DPYD: variants seen among roughly 807,000 people sequenced by gnomAD.
DPYD encodes the protein dihydropyrimidine dehydrogenase [NADP(+)].
In DPYD, 109 loss-of-function variants were observed where a neutral mutation model predicts 116.2. That is an observed-to-expected ratio of 0.94 (90% confidence interval 0.80 to 1.10). DPYD has a LOEUF of 1.10. Among genes scored for constraint, DPYD ranks in the 50% least tolerant of loss-of-function variants. DPYD has a pLI of 0.00. For missense variants in DPYD, 1,302 were observed against 1,254.5 expected (o/e 1.04, Z -0.57); for synonymous variants, 440 against 432.0 (o/e 1.02, Z -0.23).
intron 3 of DPYD, among the ~76,000 whole-genome samples, chr1:97,822,315 TA>T (rs1668985406): frequency 6.7e-6 from 1 of 148,238 alleles, no homozygotes; most frequent in Non-Finnish European, 1.5e-5. Context: ...AAATATATTA[TA>T]TATCTGTATA....
intron 2 of DPYD, 128 bp downstream of exon 2, chr1:97,883,136 T>C (rs999877935): frequency 6.4e-6 from 4 of 626,274 alleles, no homozygotes; most frequent in Non-Finnish European, 1.1e-5. Context: ...AAATATTAAA[T>C]ATTTAAAATA....
rs141459442 is a variant in DPYD, at chr1:97,673,514, A to G, written c.850+5581T>C. Among the ~76,000 whole-genome samples the G allele has an allele frequency of 5.4e-3, 825 of 152,268 alleles. 4 individuals are homozygous for G. Among genetic ancestry groups the G allele is most frequent in the Non-Finnish European group, 8.7e-3 (590 of 68,014 alleles). On this transcript the variant is annotated intron_variant, in intron 8 of 22. Coordinates refer to ENST00000370192, the MANE Select transcript of DPYD (RefSeq NM_000110.4). ...TTAAAATCAATAACTAAAAATACGTATAAAGTTCCTACTATGTACCCGCCA... is the reference window on the plus strand; with the variant it reads ...TTAAAATCAATAACTAAAAATACGTGTAAAGTTCCTACTATGTACCCGCCA...
chr1:97,796,250 T>C (rs1667563550), intron 3 of DPYD, among the ~76,000 whole-genome samples: 1 of 152,110 alleles, frequency 6.6e-6, no homozygotes, highest in Non-Finnish European at 1.5e-5. Flanking sequence ...ATTTTATAGA[T>C]GTAAGTACTA....
intron 10 of DPYD, among the ~76,000 whole-genome samples, chr1:97,589,833 A>G (rs1264960541): frequency 6.6e-6 from 1 of 152,114 alleles, no homozygotes; most frequent in Non-Finnish European, 1.5e-5. Context: ...TAAATAACAC[A>G]CATATTTGAC....
intron 18 of DPYD, among the ~76,000 whole-genome samples, chr1:97,291,164 A>C (rs893667223): frequency 5.3e-5 from 8 of 151,746 alleles, no homozygotes; most frequent in African/African-American, 1.9e-4. Context: ...TTAGAATGGC[A>C]ATCATTAAAA....
chr1:97,453,225 C>T (rs1419530803), intron 13 of DPYD, among the ~76,000 whole-genome samples: 1 of 152,082 alleles, frequency 6.6e-6, no homozygotes. Flanking sequence ...TTCTTAACTG[C>T]TGGGTATCGC....
In DPYD at chr1:97,134,620, G is replaced by A. The variant is rs935126990; in HGVS notation, c.2623-35988C>T. Among the ~76,000 whole-genome samples, 3 of 152,076 alleles carry A rather than the reference G, an allele frequency of 2.0e-5. No individual in the cohort carries two copies. In the East Asian group the frequency reaches 5.8e-4, roughly 29 times the overall value. On this transcript the variant is annotated intron_variant, in intron 20 of 22. Transcript: ENST00000370192. Reference sequence around the variant, plus strand: ...TGTCAACAAAGGCTTCCTTAAAGAGGGTGACCATTTGGTTAAATCTTAAAA... The same window carrying A: ...TGTCAACAAAGGCTTCCTTAAAGAGAGTGACCATTTGGTTAAATCTTAAAA...
intron 16 of DPYD, among the ~76,000 whole-genome samples, chr1:97,367,580 T>G (rs1671101669): frequency 6.6e-6 from 1 of 152,152 alleles, no homozygotes; most frequent in African/African-American, 2.4e-5. Context: ...AAGGGGACTG[T>G]GAGGTGGCAA....
chr1:97,393,010 A>G (rs1196094237), intron 14 of DPYD, among the ~76,000 whole-genome samples: 1 of 152,068 alleles, frequency 6.6e-6, no homozygotes, highest in Non-Finnish European at 1.5e-5. Context: ...CCAGACCACT[A>G]AAATGTTCTC....
chr1:97,292,747 C>CACACA (rs879489770), intron 18 of DPYD, among the ~76,000 whole-genome samples: 2 of 148,978 alleles, frequency 1.3e-5, no homozygotes, highest in Non-Finnish European at 3.0e-5. Context: ...CACACACACA[C>CACACA]TATTTCTACA....
intron 8 of DPYD, among the ~76,000 whole-genome samples, chr1:97,620,357 G>A (rs1277433245): frequency 2.6e-5 from 4 of 151,990 alleles, no homozygotes; most frequent in Non-Finnish European, 4.4e-5. Context: ...TGGGACTATC[G>A]GCACATGCCA....
chr1:97,093,809 G>A (rs1420898166), intron 21 of DPYD, among the ~76,000 whole-genome samples: 1 of 152,098 alleles, frequency 6.6e-6, no homozygotes, highest in Non-Finnish European at 1.5e-5. Context: ...ATGTCTGCTT[G>A]TTAAAATGAC....
In DPYD at chr1:97,610,986, T is replaced by C. The variant is rs139918846; in HGVS notation, c.851-15820A>G. The stretch of plus-strand genomic sequence containing the variant: ...GTGTGTTTGTGTGTGTGTATATATA[T>C]ATGTGTGTGTGTGTGTCTGTGTACG... On this transcript the variant is annotated intron_variant, in intron 8 of 22. Coordinates refer to ENST00000370192, the MANE Select transcript of DPYD (RefSeq NM_000110.4). Among the ~76,000 whole-genome samples the C allele has an allele frequency of 5.3e-5, 8 of 149,964 alleles. No homozygotes were observed. In the East Asian group the frequency reaches 1.5e-3, roughly 29 times the overall value.
chr1:97,674,584 A>C (rs1017744838), intron 8 of DPYD, among the ~76,000 whole-genome samples: 3 of 152,054 alleles, frequency 2.0e-5, no homozygotes, highest in Admixed American at 6.5e-5. Flanking sequence ...ACAAAGACGA[A>C]GGGTCCATCT....
At chr1:97,343,095 T>C (rs542155385) in intron 16 of DPYD, among the ~76,000 whole-genome samples, 163 of 152,286 alleles carry the variant, frequency 1.1e-3, no homozygotes, top group South Asian at 1.9e-3. Flanking sequence ...TAAAAGTCTT[T>C]TGAGATTCTT....
intron 11 of DPYD, among the ~76,000 whole-genome samples, chr1:97,560,962 C>T (rs1652103702): frequency 6.6e-6 from 1 of 152,048 alleles, no homozygotes; most frequent in Admixed American, 6.6e-5. Flanking sequence ...GCAGTTATAG[C>T]ACGTGAGGAG....
chr1:97,840,654 G>A (rs1669993481), intron 2 of DPYD, among the ~76,000 whole-genome samples: 1 of 151,996 alleles, frequency 6.6e-6, no homozygotes, highest in East Asian at 1.9e-4. Context: ...GACATTAATT[G>A]GAAAAATGAA....
intron 3 of DPYD, among the ~76,000 whole-genome samples, chr1:97,762,453 C>T (rs1412455837): frequency 1.3e-5 from 2 of 152,006 alleles, no homozygotes; most frequent in South Asian, 2.1e-4. Context: ...CATAGTCCTG[C>T]CAAGGAATGA....
At chr1:97,350,051 C>T (rs1238600103) in intron 16 of DPYD, among the ~76,000 whole-genome samples, 1 of 151,184 alleles carries the variant, frequency 6.6e-6, no homozygotes, top group Admixed American at 6.6e-5. Flanking sequence ...AATTTTTAAG[C>T]AAAATTCAGT....
Sources: allele counts gnomAD v4.1 joint callset (sites outside exome capture counted in the v4.1 genomes callset), GRCh38; gene constraint gnomAD v4.1.1; transcripts MANE v1.5; gene names NCBI Gene and HGNC (gene_info 2026-07-23, HGNC 2026-07-21).